PCDHGA8: variants seen among roughly 807,000 people sequenced by gnomAD.
The protein encoded by PCDHGA8 is protocadherin gamma subfamily A, 8.
Under a neutral mutation model 59.2 loss-of-function variants are expected in PCDHGA8, and 45 were observed. The ratio of observed to expected loss-of-function variants is 0.76; its 90% confidence interval spans 0.60 to 0.98. The LOEUF (loss-of-function observed/expected upper bound fraction) is 0.98. PCDHGA8 is among the 50% of genes least tolerant of loss of function. PCDHGA8 has a pLI of 0.00. For missense variants in PCDHGA8, 1,257 were observed against 1,196.2 expected (o/e 1.05, Z -0.75); for synonymous variants, 531 against 519.0 (o/e 1.02, Z -0.32).
At chr5:141,433,091 A>C in intron 1 of PCDHGA8, 1 of 1,614,182 alleles carries the variant, frequency 6.2e-7, no homozygotes, top group Non-Finnish European at 8.5e-7. Flanking sequence ...CTATGCAGAC[A>C]TGCTCGTCAG....
chr5:141,489,174 C>A lies in PCDHGA8; in HGVS notation c.2425-5633C>A. On this transcript the variant is annotated intron_variant, in intron 1 of 3. Coordinates refer to ENST00000398604, the MANE Select transcript of PCDHGA8 (RefSeq NM_032088.2). The surrounding 1 kb of genome is among the most constrained non-coding windows in gnomAD (Gnocchi z 4.5). ...ATAAGAGACTTCAGCTGCTGCATTC[C>A]AAGCCCTGGGTCTACCTTGGAGACA... The A allele has an allele frequency of 8.2e-7, 1 of 1,224,772 alleles. No individual in the cohort carries two copies. 75.9% of individuals were successfully genotyped at this position (1,224,772 alleles called of 1,614,324 possible).
chr5:141,431,960 T>C lies in PCDHGA8; in HGVS notation c.2424+36723T>C. On this transcript the variant is annotated intron_variant, in intron 1 of 3. Transcript: ENST00000398604. This position sits in a 1 kb window ranked among gnomAD's most constrained non-coding sequence, Gnocchi z 4.8. ...TAAATTAGAAAAATCTTACGGAAAT[T>C]ACTATAGTTTAGTCACAGACATAGT... The C allele has an allele frequency of 3.7e-6, 6 of 1,614,166 alleles. No individual in the cohort carries two copies. Among genetic ancestry groups the C allele is most frequent in the Non-Finnish European group, 5.1e-6 (6 of 1,180,034 alleles).
At chr5:141,423,598 C>A in intron 1 of PCDHGA8, 1 of 1,612,940 alleles carries the variant, frequency 6.2e-7, no homozygotes, top group East Asian at 2.2e-5. Flanking sequence ...GAAAAGCGAG[C>A]CACTCTTGAT....
intron 1 of PCDHGA8, chr5:141,471,339 C>G (rs537413312): frequency 2.6e-5 from 4 of 152,366 alleles, no homozygotes; most frequent in Admixed American, 2.6e-4. Context: ...GTATGATCCA[C>G]TGCGCCCGGC....
intron 1 of PCDHGA8, chr5:141,413,678 T>G (rs201325660): frequency 5.6e-6 from 9 of 1,613,632 alleles, no homozygotes; most frequent in Non-Finnish European, 7.6e-6. Flanking sequence ...GATGTGGGCG[T>G]GAACTCCCTG....
chr5:141,420,269 A>C, intron 1 of PCDHGA8: 1 of 1,544,558 alleles, frequency 6.5e-7, no homozygotes, highest in Non-Finnish European at 8.8e-7. Flanking sequence ...GAAGATTCTT[A>C]AACAGGTAAG....
chr5:141,426,998 A>C (rs981827933), intron 1 of PCDHGA8: 8 of 456,664 alleles, frequency 1.8e-5, no homozygotes, highest in African/African-American at 1.6e-4. Flanking sequence ...ATAATGCCCC[A>C]GTTTTTAGCC....
intron 1 of PCDHGA8, chr5:141,427,267 A>C (rs1361287845): frequency 6.6e-6 from 3 of 456,648 alleles, no homozygotes; most frequent in Non-Finnish European, 1.3e-5. Flanking sequence ...ATGACCAGCG[A>C]ATGTAAAATT....
intron 1 of PCDHGA8, chr5:141,428,142 C>A: frequency 6.3e-7 from 1 of 1,594,260 alleles, no homozygotes; most frequent in Non-Finnish European, 8.6e-7. Flanking sequence ...CCTGGGGCTG[C>A]ACACGGGAAC....
At chr5:141,419,327 TC>T (rs774592605) in intron 1 of PCDHGA8, 1 of 1,613,856 alleles carries the variant, frequency 6.2e-7, no homozygotes, top group Non-Finnish European at 8.5e-7. Flanking sequence ...TGTCTCCTAC[TC>T]TCTCATTGCC....
Position 141,419,336 on chromosome 5 carries a change from G to A in PCDHGA8, c.2424+24099G>A, listed in dbSNP as rs762064534. 6.8e-6 allele frequency: 11 copies of A among 1,613,772 alleles called. No individual in the cohort carries two copies. In the African/African-American group the frequency reaches 1.3e-4, roughly 20 times the overall value. ...CGGCCGTGTCTCCTACTCTCTCATT[G>A]CCAGCGACCTGGAGTCACGAACGCT... On this transcript the variant is annotated intron_variant, in intron 1 of 3. Coordinates refer to ENST00000398604, the MANE Select transcript of PCDHGA8 (RefSeq NM_032088.2).
At chr5:141,468,668 C>T (rs993230755) in intron 1 of PCDHGA8, 1 of 149,910 alleles carries the variant, frequency 6.7e-6, no homozygotes, top group Admixed American at 6.7e-5. Context: ...AGATCAAGAC[C>T]ATCCTGGCTA....
At chr5:141,429,542 A>G (rs1484411621) in intron 1 of PCDHGA8, among the ~76,000 whole-genome samples, 3 of 152,188 alleles carry the variant, frequency 2.0e-5, no homozygotes, top group African/African-American at 7.2e-5. Context: ...AAATAAGAAC[A>G]TGGTAATGAT....
At chr5:141,471,590 T>C (rs2099260583) in intron 1 of PCDHGA8, 1 of 152,120 alleles carries the variant, frequency 6.6e-6, no homozygotes. Flanking sequence ...AAGTAATTGA[T>C]AGTTTCAAAA....
intron 1 of PCDHGA8, among the ~76,000 whole-genome samples, chr5:141,405,769 C>T (rs1363688527): frequency 2.6e-5 from 4 of 152,080 alleles, no homozygotes; most frequent in Non-Finnish European, 2.9e-5. Context: ...TGAGCCACTG[C>T]GCCTGGCCCT....
Position 141,431,612 on chromosome 5 carries a change from G to T in PCDHGA8, c.2424+36375G>T, listed in dbSNP as rs79883194. 6.2e-7 allele frequency: 1 copy of T among 1,614,244 alleles called. No homozygotes were observed. The highest frequency in any genetic ancestry group is 2.2e-5 in the East Asian group (1 of 44,880). Reference sequence around the variant, plus strand: ...AGTGAGGTATTCCTTCCGGTATGTGGACGACAAGGCGGCCCAAGTTTTCAA... The same window carrying T: ...AGTGAGGTATTCCTTCCGGTATGTGTACGACAAGGCGGCCCAAGTTTTCAA... On this transcript the variant is annotated intron_variant, in intron 1 of 3. Transcript: ENST00000398604. The surrounding 1 kb of genome is among the most constrained non-coding windows in gnomAD (Gnocchi z 4.8).
intron 1 of PCDHGA8, among the ~76,000 whole-genome samples, chr5:141,450,572 T>A (rs1276283357): frequency 6.6e-6 from 1 of 151,710 alleles, no homozygotes; most frequent in African/African-American, 2.4e-5. Flanking sequence ...CTGCAACTTC[T>A]GCCTCCCAGG....
chr5:141,395,032 T>C lies in PCDHGA8; in HGVS notation c.2219T>C (p.Phe740Ser), dbSNP rs1561652708. ...TTGGTAGGCGTGCCTGCCTCACATT[T>C]TGTGGGTGTTGAGGAGGTACAGGCT... ...GRLVGVPASH[F>S]VGVEEVQAFL... Residue 740 changes from phenylalanine to serine, a missense_variant, in exon 1 of 4, where the codon TTT becomes TCT. Phe to Ser is a radical substitution (Grantham distance 155, BLOSUM62 -2). Coordinates refer to ENST00000398604, the MANE Select transcript of PCDHGA8 (RefSeq NM_032088.2). 6.2e-7 allele frequency: 1 copy of C among 1,614,068 alleles called. No homozygotes were observed.
chr5:141,394,637 G>C lies in PCDHGA8; in HGVS notation c.1824G>C (p.Leu608=), dbSNP rs201732776. ...SGQNAWLSYR[L]LKASEPGLFS... is the part of the protein sequence containing the mutation. Reference sequence around the variant, plus strand: ...AGAACGCCTGGCTGTCCTACCGCCTGCTCAAGGCCAGCGAGCCGGGACTCT... The same window carrying C: ...AGAACGCCTGGCTGTCCTACCGCCTCCTCAAGGCCAGCGAGCCGGGACTCT... Residue 608 remains leucine (L), a synonymous_variant, in exon 1 of 4, where the codon CTG becomes CTC. Coordinates refer to ENST00000398604, the MANE Select transcript of PCDHGA8 (RefSeq NM_032088.2). 2.5e-6 allele frequency: 4 copies of C among 1,613,464 alleles called. No homozygotes were observed. Among genetic ancestry groups the C allele is most frequent in the African/African-American group, 1.3e-5 (1 of 75,036 alleles).
Sources: allele counts gnomAD v4.1 joint callset (sites outside exome capture counted in the v4.1 genomes callset), GRCh38; gene constraint gnomAD v4.1.1; non-coding constraint Gnocchi (gnomAD v3.1); transcripts MANE v1.5; gene names NCBI Gene and HGNC (gene_info 2026-07-23, HGNC 2026-07-21).